OSBPL10: variants seen among roughly 807,000 people sequenced by gnomAD.
OSBPL10 encodes the protein oxysterol binding protein like 10.
A neutral mutation model predicts 81.7 loss-of-function variants in OSBPL10; 49 were observed. That is an observed-to-expected ratio of 0.60 (90% CI 0.48 to 0.76). OSBPL10 has a LOEUF of 0.76. OSBPL10 is among the 30% of genes least tolerant of loss of function. The pLI is 0.00. For synonymous variants in OSBPL10, 419 were observed against 383.6 expected (o/e 1.09, Z -1.08); for missense variants, 923 against 987.8 (o/e 0.93, Z 0.88).
At chr3:31,724,329 C>A (rs990847753) in intron 6 of OSBPL10, among the ~76,000 whole-genome samples, 1 of 152,120 alleles carries the variant, frequency 6.6e-6, no homozygotes, top group Non-Finnish European at 1.5e-5. Flanking sequence ...AAGGTGGCTA[C>A]CTCCCCAGCA....
chr3:31,842,123 G>C (rs1467228496), intron 3 of OSBPL10, among the ~76,000 whole-genome samples: 1 of 152,206 alleles, frequency 6.6e-6, no homozygotes, highest in Admixed American at 6.5e-5. Context: ...TGATGAATGG[G>C]CCTTGGAACT....
At chr3:31,788,759 C>G (rs1450234336) in intron 4 of OSBPL10, among the ~76,000 whole-genome samples, 1 of 151,390 alleles carries the variant, frequency 6.6e-6, no homozygotes, top group Admixed American at 6.6e-5. Flanking sequence ...GCCTGGGCAA[C>G]AAAGTGAGAC....
intron 5 of OSBPL10, among the ~76,000 whole-genome samples, chr3:31,737,697 G>GTCTCCAGTCTC: frequency 6.6e-6 from 1 of 152,144 alleles, no homozygotes; most frequent in African/African-American, 2.4e-5. Context: ...TGAGGCAGAA[G>GTCTCCAGTCTC]ACAATAGAGA....
chr3:31,890,624 G>A (rs574655234), intron 1 of OSBPL10, among the ~76,000 whole-genome samples: 1 of 152,158 alleles, frequency 6.6e-6, no homozygotes, highest in South Asian at 2.1e-4. Context: ...CACTGAGCTT[G>A]GATTTGATCT....
intron 2 of OSBPL10, among the ~76,000 whole-genome samples, chr3:32,016,837 C>T (rs1025102063): frequency 6.6e-6 from 1 of 152,132 alleles, no homozygotes; most frequent in African/African-American, 2.4e-5. Context: ...CAGAGTGATC[C>T]TGGACCAGGT....
intron 3 of OSBPL10, among the ~76,000 whole-genome samples, chr3:31,846,976 TTG>T (rs2125566604): frequency 6.6e-6 from 1 of 152,342 alleles, no homozygotes; most frequent in South Asian, 2.1e-4. Context: ...AAAGAACTTT[TTG>T]TGTGTCTTCA....
intron 2 of OSBPL10, among the ~76,000 whole-genome samples, chr3:31,999,928 C>T (rs1314077822): frequency 6.6e-6 from 1 of 152,054 alleles, no homozygotes; most frequent in African/African-American, 2.4e-5. Context: ...AGGTCAGGGC[C>T]AAAATGTTCA....
At chr3:31,809,507 A>C (rs568517867) in intron 4 of OSBPL10, among the ~76,000 whole-genome samples, 64 of 152,318 alleles carry the variant, frequency 4.2e-4, no homozygotes, top group African/African-American at 1.5e-3. Flanking sequence ...ATAATGTATA[A>C]ATTTAATGCA....
chr3:31,692,220 T>G (rs904790834), intron 7 of OSBPL10, among the ~76,000 whole-genome samples: 1 of 152,164 alleles, frequency 6.6e-6, no homozygotes, highest in Admixed American at 6.5e-5. Context: ...TGACTAGCCA[T>G]GTGTACGTGG....
intron 2 of OSBPL10, among the ~76,000 whole-genome samples, chr3:32,041,701 A>G (rs13327248): frequency 0.021 from 3,151 of 151,384 alleles, 108 homozygotes; most frequent in African/African-American, 0.07. Context: ...GCTGTCACTC[A>G]GGCTGGAGTG....
At chr3:31,743,482 G>A (rs1697422290) in intron 5 of OSBPL10, among the ~76,000 whole-genome samples, 1 of 152,212 alleles carries the variant, frequency 6.6e-6, no homozygotes. Context: ...GATGAATACT[G>A]AAGTATTCTC....
chr3:31,804,612 C>G (rs541984308), intron 4 of OSBPL10, among the ~76,000 whole-genome samples: 2 of 152,264 alleles, frequency 1.3e-5, no homozygotes, highest in East Asian at 3.9e-4. Flanking sequence ...TGGCCATCTT[C>G]CCAGACAAGC....
chr3:31,676,761 T>C (rs138482677), intron 8 of OSBPL10, among the ~76,000 whole-genome samples: 174 of 152,356 alleles, frequency 1.1e-3, no homozygotes, highest in African/African-American at 4.0e-3. Flanking sequence ...TTCAGGCATT[T>C]TGAGGGAAGT....
intron 1 of OSBPL10, among the ~76,000 whole-genome samples, chr3:32,072,130 A>G (rs1559558593): frequency 6.6e-6 from 1 of 152,188 alleles, no homozygotes; most frequent in Non-Finnish European, 1.5e-5. Flanking sequence ...GACTCTAAAT[A>G]TGCCTTCCAT....
At chr3:31,954,212 T>C (rs2125450315) in intron 1 of OSBPL10, among the ~76,000 whole-genome samples, 1 of 152,106 alleles carries the variant, frequency 6.6e-6, no homozygotes, top group African/African-American at 2.4e-5. Context: ...GAAAAAGGGG[T>C]CAGAAAGATG....
intron 1 of OSBPL10, among the ~76,000 whole-genome samples, chr3:31,889,570 T>C (rs558738000): frequency 6.6e-6 from 1 of 152,024 alleles, no homozygotes; most frequent in Admixed American, 6.6e-5. Context: ...CCACCACATA[T>C]TCTCTCACTC....
chr3:32,045,967 T>A (rs975500473), intron 2 of OSBPL10: 1 of 152,260 alleles, frequency 6.6e-6, no homozygotes, highest in Non-Finnish European at 1.5e-5. Context: ...ATACTGCACT[T>A]GACCAGTCAA....
chr3:32,040,591 T>G (rs1699565927), intron 2 of OSBPL10, among the ~76,000 whole-genome samples: 1 of 151,848 alleles, frequency 6.6e-6, no homozygotes, highest in African/African-American at 2.4e-5. Flanking sequence ...AGCAAAGCAC[T>G]TTGGGAGGCC....
intron 11 of OSBPL10, chr3:31,663,369 G>A: frequency 1.0e-6 from 1 of 985,942 alleles, no homozygotes; most frequent in Non-Finnish European, 1.2e-6. Flanking sequence ...CATTGATGTT[G>A]CTGGGTTCCT....
Sources: gnomAD v4.1 joint callset for allele counts (sites outside exome capture counted in the v4.1 genomes callset) on GRCh38, gnomAD v4.1.1 for gene constraint, MANE v1.5 for transcripts, NCBI Gene and HGNC (gene_info 2026-07-23, HGNC 2026-07-21) for gene names.